Variants in PLCH1 observed in about 807,000 individuals in gnomAD.
PLCH1 encodes phospholipase C eta 1, also known as 1-phosphatidylinositol 4,5-bisphosphate phosphodiesterase eta-1.
Under a neutral mutation model 126.7 loss-of-function variants are expected in PLCH1, and 60 were observed. The observed-to-expected ratio is 0.47, with a 90% CI of 0.38 to 0.59. PLCH1 has a LOEUF of 0.59. Among genes scored for constraint, PLCH1 ranks in the 20% least tolerant of loss-of-function variants. The pLI is 0.00. For synonymous variants in PLCH1, 719 were observed against 734.9 expected (o/e 0.98, Z 0.35); for missense variants, 1,723 against 2,040.0 (o/e 0.84, Z 2.99).
intron 21 of PLCH1, among the ~76,000 whole-genome samples, chr3:155,460,296 TAC>T (rs1712660675): frequency 6.6e-6 from 1 of 152,146 alleles, no homozygotes; most frequent in African/African-American, 2.4e-5. Flanking sequence ...CCAAAATATG[TAC>T]TGGACAGACA....
chr3:155,535,421 C>T lies in PLCH1; in HGVS notation c.1363-11417G>A, dbSNP rs528010339. On this transcript the variant is annotated intron_variant, in intron 10 of 22. Transcript: ENST00000460012. ...GCAAGATCTCAGCCCTACTCATGAG[C>T]TGCCTGGATATAAACTCGGTGCTGG... Among the ~76,000 whole-genome samples, 3 of 152,268 alleles carry T rather than the reference C, an allele frequency of 2.0e-5. No homozygotes were observed. In the East Asian group the frequency reaches 5.8e-4, roughly 29 times the overall value.
intron 2 of PLCH1, among the ~76,000 whole-genome samples, chr3:155,609,285 A>G (rs923115670): frequency 2.0e-5 from 3 of 152,178 alleles, no homozygotes; most frequent in Admixed American, 2.0e-4. Flanking sequence ...TAGACCCAGA[A>G]GAGCAATAAG....
At chr3:155,642,014 T>C (rs1426834742) in intron 2 of PLCH1, among the ~76,000 whole-genome samples, 1 of 152,172 alleles carries the variant, frequency 6.6e-6, no homozygotes, top group Non-Finnish European at 1.5e-5. Context: ...AATGCATTAA[T>C]ATAATAATAA....
intron 2 of PLCH1, among the ~76,000 whole-genome samples, chr3:155,609,621 G>A (rs538636102): frequency 6.6e-4 from 100 of 152,124 alleles, no homozygotes; most frequent in African/African-American, 2.4e-3. Flanking sequence ...CCAGAGAAAG[G>A]TGAAAAACAA....
chr3:155,690,759 GAGA>G (rs1011034702), intron 2 of PLCH1, among the ~76,000 whole-genome samples: 1 of 152,118 alleles, frequency 6.6e-6, no homozygotes, highest in Non-Finnish European at 1.5e-5. Flanking sequence ...GTGCTCCTTG[GAGA>G]ATAGGACAAA....
intron 22 of PLCH1, among the ~76,000 whole-genome samples, 165 bp downstream of exon 22, chr3:155,485,191 C>T (rs986232460): frequency 6.6e-6 from 1 of 152,092 alleles, no homozygotes; most frequent in Non-Finnish European, 1.5e-5. Context: ...ATCTACCTGG[C>T]CCCCAAAGTT....
chr3:155,578,591 C>A (rs1364043955), intron 6 of PLCH1, among the ~76,000 whole-genome samples: 2 of 152,120 alleles, frequency 1.3e-5, no homozygotes, highest in Non-Finnish European at 2.9e-5. Flanking sequence ...AAAGATACTT[C>A]TCAGGAAATT....
chr3:155,719,844 G>A (rs1382869328), intron 1 of PLCH1, among the ~76,000 whole-genome samples: 4 of 151,472 alleles, frequency 2.6e-5, no homozygotes, highest in Non-Finnish European at 5.9e-5. Flanking sequence ...CACTCTGTCT[G>A]GAGTGCAGTG....
downstream of PLCH1, among the ~76,000 whole-genome samples, chr3:155,476,566 TTAG>T (rs1713556771): frequency 6.6e-6 from 1 of 151,858 alleles, no homozygotes. Flanking sequence ...CACAAGAAAA[TTAG>T]TAGAACTGAT....
chr3:155,475,864 C>G (rs1312098533), downstream of PLCH1, among the ~76,000 whole-genome samples: 1 of 152,114 alleles, frequency 6.6e-6, no homozygotes, highest in African/African-American at 2.4e-5. Context: ...GATGGCTTCA[C>G]TGCTGAATTC....
At chr3:155,661,568 T>G (rs1416526238) in intron 2 of PLCH1, among the ~76,000 whole-genome samples, 1 of 152,220 alleles carries the variant, frequency 6.6e-6, no homozygotes, top group East Asian at 1.9e-4. Context: ...GAACAAGCTT[T>G]GAAGCAGAAA....
chr3:155,494,107 C>T, intron 17 of PLCH1, 34 bp downstream of exon 17: 1 of 1,493,860 alleles, frequency 6.7e-7, no homozygotes, highest in Non-Finnish European at 9.3e-7. Flanking sequence ...AATTAACACA[C>T]ACCTGCATTT....
chr3:155,681,653 C>G (rs1744547459), intron 2 of PLCH1, among the ~76,000 whole-genome samples: 1 of 152,174 alleles, frequency 6.6e-6, no homozygotes. Context: ...TTTCACTGTG[C>G]ACTCAACTAC....
chr3:155,731,058 T>C (rs1303363885), intron 1 of PLCH1, among the ~76,000 whole-genome samples: 3 of 152,198 alleles, frequency 2.0e-5, no homozygotes, highest in African/African-American at 7.2e-5. Context: ...CTGGTGGACT[T>C]GTTCTCCAGG....
chr3:155,471,813 G>C (rs1713261777), intron 21 of PLCH1, among the ~76,000 whole-genome samples: 1 of 152,114 alleles, frequency 6.6e-6, no homozygotes, highest in African/African-American at 2.4e-5. Flanking sequence ...TGAACAACCT[G>C]CTCATGAATA....
chr3:155,627,769 A>T (rs114061061), intron 2 of PLCH1, among the ~76,000 whole-genome samples: 46 of 116,508 alleles, frequency 3.9e-4, no homozygotes, highest in Non-Finnish European at 4.4e-4. Context: ...GTTATCGGAG[A>T]TTTTTTTTTT....
chr3:155,601,271 C>G (rs936758642), intron 2 of PLCH1, among the ~76,000 whole-genome samples: 1 of 152,170 alleles, frequency 6.6e-6, no homozygotes, highest in Non-Finnish European at 1.5e-5. Context: ...GCCACCGCAC[C>G]TGGCCTACAG....
Position 155,482,707 on chromosome 3 carries a change from C to G in PLCH1, c.3319G>C (p.Asp1107His). ...AAGATGCTTTTCCCTTCCACAAAGT[C>G]CTCAGGATTACCCTTTTCCTTGATT... is the stretch of plus-strand genomic sequence containing the variant. ...VKIKEKGNPE[D>H]FVEGKSILSG... Residue 1107 changes from aspartate to histidine, a missense_variant, in exon 23 of 23, where the codon GAC becomes CAC. Around this residue, in one of 2 missense-constraint regions of PLCH1, gnomAD observed 947 missense variants for 977.1 expected, o/e 0.97. Coordinates refer to ENST00000460012, the MANE Select transcript of PLCH1 (RefSeq NM_014996.4). 1 of 1,614,204 alleles carries G rather than the reference C, an allele frequency of 6.2e-7. No individual in the cohort carries two copies. Among genetic ancestry groups the G allele is most frequent in the Non-Finnish European group, 8.5e-7 (1 of 1,180,034 alleles).
chr3:155,642,927 T>C (rs1739576033), intron 2 of PLCH1, among the ~76,000 whole-genome samples: 1 of 151,992 alleles, frequency 6.6e-6, no homozygotes, highest in Non-Finnish European at 1.5e-5. Context: ...AGCTTCCAAC[T>C]TGTTTTTTGG....
Sources: gnomAD v4.1 joint callset for allele counts (sites outside exome capture counted in the v4.1 genomes callset) on GRCh38, gnomAD v4.1.1 for gene constraint, gnomAD v4.1.1 regional missense constraint, MANE v1.5 for transcripts, NCBI Gene and HGNC (gene_info 2026-07-23, HGNC 2026-07-21) for gene names.